Variants in PCDH7 observed in about 807,000 individuals in gnomAD.
PCDH7 encodes the protein protocadherin 7, also known as protocadherin-7.
PCDH7 carries 17 observed loss-of-function variants against 58.9 expected under a neutral mutation model. The ratio of observed to expected loss-of-function variants is 0.29; its 90% CI spans 0.20 to 0.43. PCDH7 has a LOEUF of 0.43. PCDH7 is among the 20% of genes least tolerant of loss of function. The probability of loss-of-function intolerance (pLI) is 1.00; values close to 1 mark genes in which losing one functional copy is unlikely to be tolerated. For missense variants in PCDH7, 1,274 were observed against 1,441.0 expected (o/e 0.88, Z 1.88); for synonymous variants, 664 against 616.4 (o/e 1.08, Z -1.14).
chr4:31,016,102 T>A (rs145629142), intron 3 of PCDH7, among the ~76,000 whole-genome samples: 29 of 152,158 alleles, frequency 1.9e-4, no homozygotes, highest in African/African-American at 7.0e-4. Flanking sequence ...TTCAACCAAC[T>A]ATTACAAAAA....
chr4:30,849,740 C>T (rs1732471731), intron 1 of PCDH7, among the ~76,000 whole-genome samples: 1 of 152,110 alleles, frequency 6.6e-6, no homozygotes, highest in South Asian at 2.1e-4. Flanking sequence ...TTGTCCTCTT[C>T]CTTCTCAAGC....
At chr4:30,969,955 A>G (rs144505913) in intron 3 of PCDH7, among the ~76,000 whole-genome samples, 22 of 152,288 alleles carry the variant, frequency 1.4e-4, no homozygotes, top group Admixed American at 3.3e-4. Flanking sequence ...CCTGTGTACC[A>G]GACATTGCTG....
chr4:31,054,527 C>G (rs750004635), intron 3 of PCDH7, among the ~76,000 whole-genome samples: 5 of 152,198 alleles, frequency 3.3e-5, no homozygotes, highest in South Asian at 4.1e-4. Flanking sequence ...CATCAACTTT[C>G]ACAGAAGAGA....
At chr4:31,116,330 A>C (rs893867668) in intron 3 of PCDH7, among the ~76,000 whole-genome samples, 1 of 152,238 alleles carries the variant, frequency 6.6e-6, no homozygotes, top group Non-Finnish European at 1.5e-5. Flanking sequence ...TGCTGTTTGC[A>C]TACTTTTCTG....
rs117019290 is a variant in PCDH7, at chr4:30,903,205, T to C, written c.71-16948T>C. 2.0e-3 allele frequency among the ~76,000 whole-genome samples: 301 copies of C among 152,226 alleles called. 5 individuals carry two copies. In the East Asian group the frequency reaches 0.056, roughly 28 times the overall value. On this transcript the variant is annotated intron_variant, in intron 1 of 3. Transcript: ENST00000509759. The stretch of plus-strand genomic sequence containing the variant: ...TTTTTCTCATTTCTTCTGAAAAGCT[T>C]AAGTTTTTATATAAATAACTCATCC...
chr4:30,923,746 AAT>A lies in PCDH7; in HGVS notation c.287+3384_287+3385del, dbSNP rs571035757. Among the ~76,000 whole-genome samples the A allele has an allele frequency of 9.9e-5, 15 of 152,270 alleles. No individual in the cohort carries two copies. The East Asian group carries it at 2.9e-3, about 29-fold the overall frequency. On this transcript the variant is annotated intron_variant, in intron 2 of 3. Transcript: ENST00000509759. ...ACATTTATTTGTGACAAAGATTACT[AAT>A]ATATATTTCTTTGCCTTTAATTATC...
chr4:30,923,615 T>C (rs1052247088), intron 2 of PCDH7, among the ~76,000 whole-genome samples: 2 of 152,132 alleles, frequency 1.3e-5, no homozygotes, highest in Non-Finnish European at 2.9e-5. Context: ...TAGAATGAGA[T>C]CCACCATTTT....
intron 3 of PCDH7, among the ~76,000 whole-genome samples, chr4:31,104,511 A>G (rs2109304087): frequency 6.6e-6 from 1 of 152,294 alleles, no homozygotes; most frequent in East Asian, 1.9e-4. Flanking sequence ...GAATGTTATC[A>G]TTTTCTATAG....
chr4:30,880,548 T>C (rs544884810), intron 1 of PCDH7, among the ~76,000 whole-genome samples: 101 of 152,242 alleles, frequency 6.6e-4, no homozygotes, highest in African/African-American at 2.4e-3. Context: ...TGCACTGAGG[T>C]ATCATCTACT....
chr4:31,012,341 TGCTGAA>T, intron 3 of PCDH7, among the ~76,000 whole-genome samples: 2 of 151,292 alleles, frequency 1.3e-5, no homozygotes, highest in East Asian at 2.1e-4. Context: ...GGTTTATTAT[TGCTGAA>T]TTTATCCTCT....
intron 1 of PCDH7, among the ~76,000 whole-genome samples, chr4:30,869,518 A>G (rs770749403): frequency 2.0e-5 from 3 of 152,020 alleles, no homozygotes; most frequent in Non-Finnish European, 4.4e-5. Flanking sequence ...CTACTTATGA[A>G]TGAGAACATG....
chr4:30,809,371 C>T (rs929184598), intron 1 of PCDH7, among the ~76,000 whole-genome samples: 3 of 152,028 alleles, frequency 2.0e-5, no homozygotes, highest in African/African-American at 4.8e-5. Context: ...AGTGACATTC[C>T]TGACCTTGTT....
chr4:30,803,043 A>T (rs1725733458), intron 1 of PCDH7, among the ~76,000 whole-genome samples: 1 of 152,088 alleles, frequency 6.6e-6, no homozygotes, highest in Non-Finnish European at 1.5e-5. Flanking sequence ...TATCAGGGGG[A>T]TCAAAATTAG....
chr4:30,980,800 A>G (rs747697957), intron 3 of PCDH7, among the ~76,000 whole-genome samples: 1 of 152,288 alleles, frequency 6.6e-6, no homozygotes, highest in Middle Eastern at 3.4e-3. Flanking sequence ...AGAAATTTCT[A>G]TCACAATTTG....
At chr4:30,880,356 C>A (rs1021706728) in intron 1 of PCDH7, among the ~76,000 whole-genome samples, 9 of 151,592 alleles carry the variant, frequency 5.9e-5, no homozygotes, top group Non-Finnish European at 1.2e-4. Flanking sequence ...ATATAAAGAG[C>A]TTAATTAAAA....
At chr4:30,786,062 T>C (rs1032233260) in intron 1 of PCDH7, among the ~76,000 whole-genome samples, 4 of 152,082 alleles carry the variant, frequency 2.6e-5, no homozygotes, top group African/African-American at 9.7e-5. Context: ...AAGGAGTTTT[T>C]ATCATAACTT....
intron 3 of PCDH7, among the ~76,000 whole-genome samples, chr4:31,068,033 T>C (rs559798124): frequency 6.6e-6 from 1 of 152,162 alleles, no homozygotes; most frequent in South Asian, 2.1e-4. Flanking sequence ...GCTTATAGTT[T>C]AATGCAGTCC....
At chr4:31,112,136 C>A (rs1716395001) in intron 3 of PCDH7, among the ~76,000 whole-genome samples, 1 of 152,132 alleles carries the variant, frequency 6.6e-6, no homozygotes, top group Non-Finnish European at 1.5e-5. Context: ...CATTTGACTA[C>A]CTTTTTATAT....
intron 3 of PCDH7, among the ~76,000 whole-genome samples, chr4:31,035,169 G>A (rs769725950): frequency 6.6e-6 from 1 of 150,708 alleles, no homozygotes; most frequent in Non-Finnish European, 1.5e-5. Flanking sequence ...AGTAAGATAT[G>A]TACTTGTCCT....
Sources: allele counts gnomAD v4.1 joint callset (sites outside exome capture counted in the v4.1 genomes callset), GRCh38; gene constraint gnomAD v4.1.1; transcripts MANE v1.5; gene names NCBI Gene and HGNC (gene_info 2026-07-23, HGNC 2026-07-21).